The following DENND4C variants were observed in gnomAD, a reference collection of about 807,000 sequenced individuals.
DENND4C encodes the protein DENN domain containing 4C.
A neutral mutation model predicts 203.0 loss-of-function variants in DENND4C; 108 were observed. That is an observed-to-expected ratio of 0.53 (90% CI 0.46 to 0.62). The LOEUF (loss-of-function observed/expected upper bound fraction) is 0.62. Ranked by LOEUF, DENND4C falls within the 20% of genes least tolerant of loss-of-function variation. DENND4C has a pLI of 0.00. For synonymous variants in DENND4C, 871 were observed against 792.4 expected (o/e 1.10, Z -1.67); for missense variants, 2,481 against 2,301.2 (o/e 1.08, Z -1.60).
chr9:19,287,739 A>AG (rs71335416), intron 3 of DENND4C, among the ~76,000 whole-genome samples: 1 of 150,968 alleles, frequency 6.6e-6, no homozygotes, highest in South Asian at 2.1e-4. Flanking sequence ...TTGCATACTT[A>AG]TTTTTTTTTT....
At chr9:19,305,667 C>A in intron 10 of DENND4C, 140 bp downstream of exon 10, 1 of 753,774 alleles carries the variant, frequency 1.3e-6, no homozygotes, top group Non-Finnish European at 2.0e-6. Context: ...TCAACCAGGG[C>A]AGGTATCAGA....
At chr9:19,247,017 A>G (rs1025700917) in intron 1 of DENND4C, among the ~76,000 whole-genome samples, 7 of 151,952 alleles carry the variant, frequency 4.6e-5, no homozygotes, top group African/African-American at 7.3e-5. Context: ...ACTCCCACCA[A>G]CTGAAATCAC....
intron 1 of DENND4C, among the ~76,000 whole-genome samples, chr9:19,236,486 G>A (rs1056403579): frequency 6.6e-6 from 1 of 152,216 alleles, no homozygotes; most frequent in Non-Finnish European, 1.5e-5. Flanking sequence ...TAGAGGCTGT[G>A]TCATGAAGGG....
intron 15 of DENND4C, 78 bp downstream of exon 15, chr9:19,326,272 A>G: frequency 7.0e-7 from 1 of 1,435,508 alleles, no homozygotes; most frequent in Non-Finnish European, 9.3e-7. Flanking sequence ...TATGTATATT[A>G]GTCTTTTGTG....
chr9:19,328,669 ATCTATCT>A (rs1818402300), intron 16 of DENND4C, among the ~76,000 whole-genome samples: 1 of 143,254 alleles, frequency 7.0e-6, no homozygotes, highest in Non-Finnish European at 1.5e-5. Context: ...CTATCTATCT[ATCTATCT>A]ATCTATCTAT....
At chr9:19,366,337 C>T (rs1329927557) in intron 30 of DENND4C, among the ~76,000 whole-genome samples, 1 of 152,190 alleles carries the variant, frequency 6.6e-6, no homozygotes, top group African/African-American at 2.4e-5. Flanking sequence ...TGCAGTGGCT[C>T]ACGCCTGTAA....
intron 29 of DENND4C, 77 bp from the exon 30 acceptor site, chr9:19,361,769 T>G (rs977052485): frequency 2.3e-6 from 2 of 864,786 alleles, no homozygotes; most frequent in African/African-American, 3.4e-5. Flanking sequence ...TCATCTGTTT[T>G]ATATAATCAA....
intron 10 of DENND4C, among the ~76,000 whole-genome samples, chr9:19,313,846 A>G (rs1841225235): frequency 1.3e-5 from 2 of 152,150 alleles, no homozygotes; most frequent in South Asian, 4.1e-4. Context: ...ATAGTAATGA[A>G]TTCTCAGGGG....
intron 1 of DENND4C, among the ~76,000 whole-genome samples, chr9:19,236,913 A>G (rs1463388988): frequency 6.6e-6 from 1 of 152,160 alleles, no homozygotes; most frequent in African/African-American, 2.4e-5. Context: ...AGTTAGGGAG[A>G]TGAGTTACTA....
At chr9:19,310,591 T>C (rs1383017619) in intron 10 of DENND4C, among the ~76,000 whole-genome samples, 1 of 152,246 alleles carries the variant, frequency 6.6e-6, no homozygotes, top group Non-Finnish European at 1.5e-5. Flanking sequence ...AGAGTTTTGA[T>C]ATCTTAATTA....
intron 1 of DENND4C, among the ~76,000 whole-genome samples, chr9:19,258,910 C>T (rs1276113177): frequency 6.6e-6 from 1 of 152,136 alleles, no homozygotes; most frequent in Non-Finnish European, 1.5e-5. Flanking sequence ...CTGCCTCGGC[C>T]TCCCAAAGTG....
chr9:19,342,092 C>G (rs1467192881), intron 21 of DENND4C, among the ~76,000 whole-genome samples: 2 of 134,062 alleles, frequency 1.5e-5, no homozygotes, highest in Admixed American at 8.6e-5. Flanking sequence ...CCATTGCACT[C>G]TAGCCTGGGC....
At position 19,331,905 on chromosome 9, in the gene DENND4C, C is replaced by T. The variant is rs986587357; in HGVS notation, c.2254-73C>T. 1.3e-5 allele frequency: 18 copies of T among 1,379,446 alleles called. 1 individual carries two copies. The Admixed American group carries it at 3.2e-4, about 25-fold the overall frequency. 85.5% of individuals were successfully genotyped at this position (1,379,446 alleles called of 1,614,324 possible). The stretch of plus-strand genomic sequence containing the variant: ...CAAGTTTTACTTAAATTCTCCTCTC[C>T]CTTTTCCTTCTCACTTCTCCCCTCA... On this transcript the variant is annotated intron_variant, in intron 16 of 32. Coordinates refer to ENST00000434457, the MANE Select transcript of DENND4C (RefSeq NM_001330640.2).
At chr9:19,311,759 A>C (rs1434472826) in intron 10 of DENND4C, among the ~76,000 whole-genome samples, 3 of 152,186 alleles carry the variant, frequency 2.0e-5, no homozygotes, top group African/African-American at 7.2e-5. Flanking sequence ...AAAAAAATTC[A>C]AAATGAAATG....
chr9:19,306,607 TTTTTACC>T, intron 10 of DENND4C, among the ~76,000 whole-genome samples: 1 of 152,080 alleles, frequency 6.6e-6, no homozygotes. Context: ...ATACTCAGAT[TTTTTACC>T]TTATTTTATT....
intron 12 of DENND4C, among the ~76,000 whole-genome samples, chr9:19,318,464 A>T (rs1476898006): frequency 6.6e-6 from 1 of 152,254 alleles, no homozygotes; most frequent in Admixed American, 6.5e-5. Flanking sequence ...TAAAATATTC[A>T]TGATAACAGC....
chr9:19,277,907 G>C (rs1170997018), intron 2 of DENND4C, among the ~76,000 whole-genome samples: 1 of 151,970 alleles, frequency 6.6e-6, no homozygotes, highest in African/African-American at 2.4e-5. Context: ...CAATTGAGAT[G>C]ATCATGTATT....
intron 1 of DENND4C, among the ~76,000 whole-genome samples, chr9:19,241,155 C>G (rs1345516364): frequency 6.6e-6 from 1 of 152,164 alleles, no homozygotes; most frequent in African/African-American, 2.4e-5. Context: ...CTGTGCCCTA[C>G]TGTACACTTT....
chr9:19,349,614 GTC>G (rs1823639830), intron 23 of DENND4C, among the ~76,000 whole-genome samples: 1 of 152,276 alleles, frequency 6.6e-6, no homozygotes, highest in Middle Eastern at 3.4e-3. Flanking sequence ...TGAATGAAAA[GTC>G]TATAAAATGT....
Sources: gnomAD v4.1 joint callset for allele counts (sites outside exome capture counted in the v4.1 genomes callset) on GRCh38, gnomAD v4.1.1 for gene constraint, MANE v1.5 for transcripts, NCBI Gene and HGNC (gene_info 2026-07-23, HGNC 2026-07-21) for gene names.